The following CBFB variants were observed in gnomAD, a reference collection of about 807,000 sequenced individuals.
CBFB encodes core-binding factor subunit beta.
In CBFB, 9 loss-of-function variants were observed where a neutral mutation model predicts 30.4. That is an observed-to-expected ratio of 0.30 (90% CI 0.18 to 0.52). The LOEUF (loss-of-function observed/expected upper bound fraction) is 0.52. Among genes scored for constraint, CBFB ranks in the 20% least tolerant of loss-of-function variants. The pLI, the probability that CBFB is intolerant of heterozygous loss-of-function variation, is 0.97. For missense variants in CBFB, 170 were observed against 244.0 expected, an observed-to-expected ratio of 0.70 and a Z score of 2.02; for synonymous variants, 94 against 84.0, an observed-to-expected ratio of 1.12 and a Z score of -0.65.
At chr16:67,071,806 G>T (rs1375143127) in intron 4 of CBFB, among the ~76,000 whole-genome samples, 2 of 152,134 alleles carry the variant, frequency 1.3e-5, no homozygotes, top group African/African-American at 2.4e-5. Flanking sequence ...GTTTGTTACT[G>T]CTTGTACTTT....
chr16:67,030,473 G>A (rs1219354166), intron 2 of CBFB, among the ~76,000 whole-genome samples: 2 of 151,880 alleles, frequency 1.3e-5, no homozygotes, highest in African/African-American at 4.8e-5. Flanking sequence ...CAGATTTAGT[G>A]CGTCTTCACC....
chr16:67,092,061 C>T (rs1423385964), intron 5 of CBFB, among the ~76,000 whole-genome samples: 1 of 152,034 alleles, frequency 6.6e-6, no homozygotes, highest in Non-Finnish European at 1.5e-5. Flanking sequence ...CCCTCCCCTT[C>T]CCCCCTACCC....
At chr16:67,098,353 T>C (rs918117136) in intron 5 of CBFB, among the ~76,000 whole-genome samples, 2 of 152,122 alleles carry the variant, frequency 1.3e-5, no homozygotes, top group African/African-American at 4.8e-5. Context: ...GCCAGGCTGG[T>C]CTCGAACTCC....
At chr16:67,048,913 C>T (rs938427967) in intron 3 of CBFB, among the ~76,000 whole-genome samples, 16 of 149,130 alleles carry the variant, frequency 1.1e-4, no homozygotes, top group African/African-American at 1.5e-4. Flanking sequence ...CTCCACCTCC[C>T]GGGTTCATGC....
At chr16:67,077,358 C>T (rs1214960116) in intron 4 of CBFB, among the ~76,000 whole-genome samples, 2 of 152,076 alleles carry the variant, frequency 1.3e-5, no homozygotes, top group Non-Finnish European at 2.9e-5. Context: ...TTTTTGTTTG[C>T]AAGGTTTTTC....
At chr16:67,054,169 C>T (rs1348462085) in intron 3 of CBFB, among the ~76,000 whole-genome samples, 2 of 151,872 alleles carry the variant, frequency 1.3e-5, no homozygotes, top group East Asian at 3.8e-4. Flanking sequence ...GTTTTTCTGT[C>T]TTCCTGTTTC....
At chr16:67,056,007 T>C (rs895463666) in intron 3 of CBFB, among the ~76,000 whole-genome samples, 2 of 152,200 alleles carry the variant, frequency 1.3e-5, no homozygotes, top group Admixed American at 6.5e-5. Context: ...GCCATCCCAG[T>C]ATTACTGTTG....
At chr16:67,085,142 TTGTG>T (rs774330554) in intron 5 of CBFB, among the ~76,000 whole-genome samples, 5 of 149,268 alleles carry the variant, frequency 3.3e-5, no homozygotes, top group East Asian at 4.0e-4. Context: ...ATGAAATAAA[TTGTG>T]TGTGTGTGTG....
chr16:67,092,943 C>T (rs987343316), intron 5 of CBFB, among the ~76,000 whole-genome samples: 2 of 151,888 alleles, frequency 1.3e-5, no homozygotes, highest in African/African-American at 4.8e-5. Flanking sequence ...GAACTCCTCA[C>T]CTCAGGTGAT....
chr16:67,035,591 C>G (rs1966429736), intron 2 of CBFB, among the ~76,000 whole-genome samples: 1 of 152,168 alleles, frequency 6.6e-6, no homozygotes, highest in East Asian at 1.9e-4. Context: ...AGAATCTAAG[C>G]TGTTAACCAT....
At chr16:67,063,434 A>C (rs1384852635) in intron 3 of CBFB, among the ~76,000 whole-genome samples, 2 of 151,966 alleles carry the variant, frequency 1.3e-5, no homozygotes, top group South Asian at 2.1e-4. Context: ...GGAAAGCATA[A>C]ATTTTTATTT....
chr16:67,037,461 A>G (rs1966460343), intron 3 of CBFB, among the ~76,000 whole-genome samples: 1 of 152,170 alleles, frequency 6.6e-6, no homozygotes, highest in Non-Finnish European at 1.5e-5. Context: ...TTCTAATTCC[A>G]TTAACAGCAA....
intron 4 of CBFB, among the ~76,000 whole-genome samples, chr16:67,075,074 C>A (rs1961348734): frequency 6.6e-6 from 1 of 152,034 alleles, no homozygotes; most frequent in Non-Finnish European, 1.5e-5. Flanking sequence ...CCTATAATCC[C>A]AGCTACTCAG....
chr16:67,090,130 G>A (rs1484889817), intron 5 of CBFB, among the ~76,000 whole-genome samples: 1 of 152,178 alleles, frequency 6.6e-6, no homozygotes, highest in Non-Finnish European at 1.5e-5. Context: ...ACCAGTTACT[G>A]TGGGGATTGA....
intron 3 of CBFB, among the ~76,000 whole-genome samples, chr16:67,039,649 A>C (rs11639620): frequency 0.012 from 1,733 of 139,588 alleles, 21 homozygotes; most frequent in African/African-American, 0.053. Context: ...TTTTAATTCT[A>C]TTAGGAAGAG....
At chr16:67,044,301 C>T (rs944542535) in intron 3 of CBFB, among the ~76,000 whole-genome samples, 2 of 152,144 alleles carry the variant, frequency 1.3e-5, no homozygotes, top group African/African-American at 4.8e-5. Context: ...ATGAACTTTA[C>T]AGTGCTACTG....
At chr16:67,067,443 A>C (rs1306574133) in intron 4 of CBFB, among the ~76,000 whole-genome samples, 1 of 152,176 alleles carries the variant, frequency 6.6e-6, no homozygotes, top group East Asian at 1.9e-4. Context: ...GCTCGAACCC[A>C]GGAGGCAGAG....
At position 67,098,897 on chromosome 16, in the gene CBFB, C is replaced by T; in HGVS notation, c.*119C>T. On this transcript the variant is annotated 3_prime_UTR_variant, in exon 6 of 6. Transcript: ENST00000412916. ...ACTGGAGGTACTACGGTCTATTTCT[C>T]AACCTTAGGCAGTAATAGACATCAC... 1.5e-6 allele frequency: 1 copy of T among 673,232 alleles called. No homozygotes were observed. The highest frequency in any genetic ancestry group is 2.5e-5 in the Admixed American group (1 of 40,510). 41.7% of individuals were successfully genotyped at this position (673,232 alleles called of 1,614,324 possible). A position where few individuals can be genotyped will look rare whatever the true frequency, so the allele number is the denominator to read the frequency against.
chr16:67,048,051 A>C (rs1214380986), intron 3 of CBFB, among the ~76,000 whole-genome samples: 1 of 152,060 alleles, frequency 6.6e-6, no homozygotes, highest in African/African-American at 2.4e-5. Context: ...CCTGGGAACA[A>C]AATTCCATCT....
Sources: gnomAD v4.1 joint callset for allele counts (sites outside exome capture counted in the v4.1 genomes callset) on GRCh38, gnomAD v4.1.1 for gene constraint, MANE v1.5 for transcripts, NCBI Gene and HGNC (gene_info 2026-07-23, HGNC 2026-07-21) for gene names.